PDCD10: variants seen among roughly 807,000 people sequenced by gnomAD.
PDCD10 encodes programmed cell death protein 10.
In PDCD10, 4 loss-of-function variants were observed where a neutral mutation model predicts 29.2. The observed-to-expected ratio is 0.14, with a 90% CI of 0.07 to 0.31. The LOEUF is 0.31. Among genes scored for constraint, PDCD10 ranks in the 10% least tolerant of loss-of-function variants. PDCD10 has a pLI of 1.00. For synonymous variants in PDCD10, 70 were observed against 82.2 expected (o/e 0.85, Z 0.80); for missense variants, 183 against 257.9 (o/e 0.71, Z 1.99).
intron 6 of PDCD10, among the ~76,000 whole-genome samples, chr3:167,691,412 A>C (rs914918206): frequency 6.6e-6 from 1 of 152,224 alleles, no homozygotes; most frequent in African/African-American, 2.4e-5. Context: ...GAACTGAAGT[A>C]TTATTACTCC....
chr3:167,706,933 G>C (rs979089945), intron 3 of PDCD10, among the ~76,000 whole-genome samples: 12 of 152,154 alleles, frequency 7.9e-5, no homozygotes, highest in African/African-American at 2.9e-4. Flanking sequence ...AACTCAGTTT[G>C]ACTCTGAATC....
chr3:167,686,699 A>C (rs995987642), intron 8 of PDCD10, among the ~76,000 whole-genome samples: 3 of 152,220 alleles, frequency 2.0e-5, no homozygotes, highest in African/African-American at 7.2e-5. Flanking sequence ...AGCAATTTGC[A>C]ATTTGACTGT....
chr3:167,699,816 T>A (rs570381486), intron 4 of PDCD10, among the ~76,000 whole-genome samples: 24 of 152,278 alleles, frequency 1.6e-4, no homozygotes, highest in African/African-American at 5.8e-4. Flanking sequence ...TCAGGTCCAT[T>A]TACATGCAGA....
At position 167,734,684 on chromosome 3, in the gene PDCD10, C is replaced by G. The variant is rs1030400138; in HGVS notation, c.-276G>C. On this transcript the variant is annotated 5_prime_UTR_variant, in exon 1 of 9. Transcript: ENST00000392750. ...TACGCCCGTAGGGCCCCGCTCTCAG[C>G]CCCGTCCGCTCCGCCTGCCAGAACC... 10 of 154,512 alleles carry G rather than the reference C, an allele frequency of 6.5e-5. No individual in the cohort carries two copies. The East Asian group carries it at 1.9e-3, about 29-fold the overall frequency. 9.6% of individuals were successfully genotyped at this position (154,512 alleles called of 1,614,324 possible).
chr3:167,715,990 G>A (rs1191360954), intron 3 of PDCD10, among the ~76,000 whole-genome samples: 1 of 151,894 alleles, frequency 6.6e-6, no homozygotes, highest in Non-Finnish European at 1.5e-5. Context: ...CTGCAGCATT[G>A]TTCACAACAG....
chr3:167,690,309 C>T (rs1206434565), intron 6 of PDCD10, among the ~76,000 whole-genome samples: 2 of 152,296 alleles, frequency 1.3e-5, no homozygotes, highest in Admixed American at 6.5e-5. Flanking sequence ...TTGCATGATA[C>T]GCATTTATGC....
At chr3:167,708,027 C>A (rs932633316) in intron 3 of PDCD10, among the ~76,000 whole-genome samples, 6 of 152,166 alleles carry the variant, frequency 3.9e-5, no homozygotes, top group Non-Finnish European at 7.4e-5. Context: ...CTTACCTCAA[C>A]CCCCATTCTG....
intron 3 of PDCD10, among the ~76,000 whole-genome samples, chr3:167,713,515 A>G (rs541828577): frequency 2.0e-5 from 3 of 152,032 alleles, no homozygotes; most frequent in South Asian, 4.1e-4. Flanking sequence ...AAACAACCAG[A>G]AAAGAGCAAA....
At chr3:167,686,205 T>C (rs1719610412) in intron 8 of PDCD10, among the ~76,000 whole-genome samples, 1 of 152,234 alleles carries the variant, frequency 6.6e-6, no homozygotes, top group African/African-American at 2.4e-5. Context: ...GGCCAGACTT[T>C]CCATCAGTTT....
At chr3:167,725,777 AT>A (rs1382470473) in intron 2 of PDCD10, among the ~76,000 whole-genome samples, 1 of 53,746 alleles carries the variant, frequency 1.9e-5, no homozygotes, top group Non-Finnish European at 3.8e-5. Context: ...ATATATATAT[AT>A]ATATATATAT....
At chr3:167,718,486 T>C (rs1217096179) in intron 3 of PDCD10, among the ~76,000 whole-genome samples, 3 of 152,098 alleles carry the variant, frequency 2.0e-5, no homozygotes, top group South Asian at 2.1e-4. Flanking sequence ...AATGCTACCA[T>C]GGTGGCAGTT....
In PDCD10 at chr3:167,709,334, G is replaced by C. The variant is rs553516272; in HGVS notation, c.97-4439C>G. ...ATATTGCTGAAAGAGGCAATAAAGA[G>C]AGTGGAAAAGACCATCTTGAAACAC... On this transcript the variant is annotated intron_variant, in intron 3 of 8. Coordinates refer to ENST00000392750, the MANE Select transcript of PDCD10 (RefSeq NM_007217.4). Among the ~76,000 whole-genome samples, 6 of 152,264 alleles carry C rather than the reference G, an allele frequency of 3.9e-5. No homozygotes were observed. In the South Asian group the frequency reaches 1.2e-3, roughly 32 times the overall value.
At chr3:167,710,330 T>C (rs1183037491) in intron 3 of PDCD10, among the ~76,000 whole-genome samples, 1 of 152,126 alleles carries the variant, frequency 6.6e-6, no homozygotes, top group Non-Finnish European at 1.5e-5. Context: ...AGGAGCCCAT[T>C]GTCCTGAAGA....
intron 6 of PDCD10, among the ~76,000 whole-genome samples, chr3:167,692,182 G>A (rs1559949098): frequency 6.6e-6 from 1 of 152,102 alleles, no homozygotes; most frequent in Non-Finnish European, 1.5e-5. Context: ...AACTAAGTTT[G>A]GGATCACTGA....
chr3:167,719,572 TA>T (rs749571705), intron 3 of PDCD10, among the ~76,000 whole-genome samples: 7 of 152,248 alleles, frequency 4.6e-5, no homozygotes, highest in Admixed American at 6.6e-5. Flanking sequence ...AATATCGGTT[TA>T]AAAAGTTTTG....
At chr3:167,731,336 G>T (rs1343944638) in intron 2 of PDCD10, among the ~76,000 whole-genome samples, 1 of 152,124 alleles carries the variant, frequency 6.6e-6, no homozygotes, top group Non-Finnish European at 1.5e-5. Flanking sequence ...CAGCAATTCT[G>T]CGGCAAATGA....
intron 4 of PDCD10, among the ~76,000 whole-genome samples, chr3:167,700,180 T>C (rs996839645): frequency 4.6e-5 from 7 of 152,176 alleles, no homozygotes; most frequent in Non-Finnish European, 8.8e-5. Flanking sequence ...CCTGTTGCTA[T>C]TGCAGTCAGT....
At chr3:167,711,136 C>G (rs1722480367) in intron 3 of PDCD10, among the ~76,000 whole-genome samples, 1 of 152,168 alleles carries the variant, frequency 6.6e-6, no homozygotes, top group African/African-American at 2.4e-5. Context: ...CCAGAAGCAT[C>G]AAGACCATCC....
chr3:167,718,231 T>G (rs1172407963), intron 3 of PDCD10, among the ~76,000 whole-genome samples: 1 of 152,124 alleles, frequency 6.6e-6, no homozygotes, highest in Non-Finnish European at 1.5e-5. Flanking sequence ...ATATCTGTGT[T>G]TCCGAATAGA....
Sources: gnomAD v4.1 joint callset for allele counts (sites outside exome capture counted in the v4.1 genomes callset) on GRCh38, gnomAD v4.1.1 for gene constraint, MANE v1.5 for transcripts, NCBI Gene and HGNC (gene_info 2026-07-23, HGNC 2026-07-21) for gene names.